Variants in SLC12A1 observed in about 807,000 individuals in gnomAD.
The protein encoded by SLC12A1 is solute carrier family 12 member 1.
SLC12A1 carries 89 observed loss-of-function variants against 130.4 expected under a neutral mutation model. That is an observed-to-expected ratio of 0.68 (90% CI 0.58 to 0.81). The LOEUF is 0.81. Among genes scored for constraint, SLC12A1 ranks in the 40% least tolerant of loss-of-function variants. The probability of loss-of-function intolerance (pLI) is 0.00; values close to 1 mark genes in which losing one functional copy is unlikely to be tolerated. For missense variants in SLC12A1, 1,310 were observed against 1,336.4 expected, an observed-to-expected ratio of 0.98 and a Z score of 0.31; for synonymous variants, 499 against 460.0, an observed-to-expected ratio of 1.08 and a Z score of -1.09.
chr15:48,234,234 C>A (rs1364974585), intron 8 of SLC12A1, among the ~76,000 whole-genome samples: 1 of 151,954 alleles, frequency 6.6e-6, no homozygotes, highest in Non-Finnish European at 1.5e-5. Flanking sequence ...TGTGGGTATG[C>A]CAGTGTGATC....
chr15:48,260,655 C>T (rs1013638476), intron 17 of SLC12A1, among the ~76,000 whole-genome samples: 11 of 152,132 alleles, frequency 7.2e-5, no homozygotes, highest in Non-Finnish European at 2.9e-5. Context: ...CTAAGTGTCA[C>T]GCCTTGAGGA....
chr15:48,299,228 A>T lies in SLC12A1; in HGVS notation c.3049A>T (p.Thr1017Ser). 1 of 1,608,712 alleles carries T rather than the reference A, an allele frequency of 6.2e-7. No individual in the cohort carries two copies. The highest frequency in any genetic ancestry group is 8.5e-7 in the Non-Finnish European group (1 of 1,178,416). The change falls in exon 25 of 27, where the codon ACT becomes TCT. Residue 1017 changes from threonine (T) to serine (S), a missense_variant. Transcript: ENST00000380993. Reference protein sequence around the residue: ...LTTAEKLKRETPWKITDAELE... With the variant: ...LTTAEKLKRESPWKITDAELE... ...AACTGCTGAGAAATTAAAAAGAGAAACTCCGTGGAAAATTACAGATGCAGA... is the reference window on the plus strand; with the variant it reads ...AACTGCTGAGAAATTAAAAAGAGAATCTCCGTGGAAAATTACAGATGCAGA...
At chr15:48,249,522 A>C (rs2041623471) in intron 13 of SLC12A1, 53 bp from the exon 14 acceptor site, 7 of 1,310,478 alleles carry the variant, frequency 5.3e-6, no homozygotes, top group Non-Finnish European at 7.8e-6. Context: ...ACAGCTGTTC[A>C]GCCCCTGGTC....
intron 17 of SLC12A1, among the ~76,000 whole-genome samples, chr15:48,264,258 C>G (rs2041807100): frequency 6.6e-6 from 1 of 152,138 alleles, no homozygotes; most frequent in South Asian, 2.1e-4. Flanking sequence ...GACTTTTACC[C>G]TGTTTCTTTT....
chr15:48,237,878 G>A (rs1394497866), intron 9 of SLC12A1, among the ~76,000 whole-genome samples: 1 of 152,140 alleles, frequency 6.6e-6, no homozygotes, highest in Non-Finnish European at 1.5e-5. Context: ...GGAAAATGGT[G>A]TAATAGGTAG....
rs533836105 is a variant in SLC12A1 at position 48,265,617 on chromosome 15, C to G, written c.2155-1944C>G. Reference sequence around the variant, plus strand: ...ACTAGGTCATCTAGTTTAGTAACTACCCTGCCAATCTCTCTATCTTTTCTA... The same window carrying G: ...ACTAGGTCATCTAGTTTAGTAACTAGCCTGCCAATCTCTCTATCTTTTCTA... On this transcript the variant is annotated intron_variant, in intron 17 of 26. Transcript: ENST00000380993. 3.9e-5 allele frequency among the ~76,000 whole-genome samples: 6 copies of G among 152,226 alleles called. No homozygotes were observed. In the East Asian group the frequency reaches 1.2e-3, roughly 29 times the overall value.
At chr15:48,235,043 G>A (rs2041424694) in intron 9 of SLC12A1, 39 bp downstream of exon 9, 1 of 1,607,698 alleles carries the variant, frequency 6.2e-7, no homozygotes, top group African/African-American at 1.3e-5. Flanking sequence ...TGGGAGTGGT[G>A]GTACACTTGG....
At position 48,229,023 on chromosome 15, in the gene SLC12A1, A is replaced by G. The variant is rs1219142714; in HGVS notation, c.725-166A>G. 4 of 639,488 alleles carry G rather than the reference A, an allele frequency of 6.3e-6. No individual in the cohort carries two copies. The African/African-American group carries it at 7.3e-5, about 12-fold the overall frequency. The allele number at this position is 639,488 out of a possible 1,614,324, so 39.6% of individuals were successfully genotyped here. ...GTAGATTAAGTACAGAGTACCAAGAAGGGCTAAGTTATTCACTGGGTAACA... is the reference window on the plus strand; with the variant it reads ...GTAGATTAAGTACAGAGTACCAAGAGGGGCTAAGTTATTCACTGGGTAACA... On this transcript the variant is annotated intron_variant, in intron 5 of 26. Coordinates refer to ENST00000380993, the MANE Select transcript of SLC12A1 (RefSeq NM_000338.3).
intron 2 of SLC12A1, among the ~76,000 whole-genome samples, chr15:48,214,044 G>C (rs1362216173): frequency 6.6e-6 from 1 of 152,078 alleles, no homozygotes; most frequent in Non-Finnish European, 1.5e-5. Context: ...TCAAATTGGG[G>C]ATATCTGAAA....
Position 48,260,328 on chromosome 15 carries a change from CCTCTCT to C in SLC12A1, c.2154+1030_2154+1035del, listed in dbSNP as rs148763702. On this transcript the variant is annotated intron_variant, in intron 17 of 26. Transcript: ENST00000380993. ...CACTAGCCCACCTCTACTTGTATTC[CCTCTCT>C]CTCTCTCTCTCTATCACACACACAC... Among the ~76,000 whole-genome samples, 678 of 114,202 alleles carry C rather than the reference CCTCTCT, an allele frequency of 5.9e-3. 8 individuals carry two copies. Among genetic ancestry groups the C allele is most frequent in the Middle Eastern group, 0.055 (13 of 238 alleles). 74.9% of individuals were successfully genotyped at this position (114,202 alleles called of 152,430 possible). A position where few individuals can be genotyped will look rare whatever the true frequency, so the allele number is the denominator to read the frequency against.
intron 2 of SLC12A1, among the ~76,000 whole-genome samples, chr15:48,213,559 C>T (rs1567302408): frequency 1.3e-5 from 2 of 149,702 alleles, no homozygotes; most frequent in South Asian, 2.1e-4. Context: ...GCTAGAGTGC[C>T]GCGGCGCAAT....
intron 2 of SLC12A1, among the ~76,000 whole-genome samples, chr15:48,215,662 T>C (rs2041112727): frequency 6.6e-6 from 1 of 152,210 alleles, no homozygotes; most frequent in South Asian, 2.1e-4. Context: ...CCCAAAGTCA[T>C]GTTCAGTACT....
intron 2 of SLC12A1, among the ~76,000 whole-genome samples, chr15:48,217,354 C>A (rs1808865007): frequency 2.0e-5 from 3 of 152,066 alleles, no homozygotes; most frequent in Admixed American, 1.3e-4. Flanking sequence ...ACTTGGTTTG[C>A]ATTTATAGCT....
chr15:48,273,435 A>C (rs1339141701), intron 19 of SLC12A1, among the ~76,000 whole-genome samples: 2 of 152,176 alleles, frequency 1.3e-5, no homozygotes, highest in Non-Finnish European at 2.9e-5. Flanking sequence ...TCCTTAACCT[A>C]ATCACATCTG....
chr15:48,260,154 A>G (rs1223566472), intron 17 of SLC12A1, among the ~76,000 whole-genome samples: 1 of 151,794 alleles, frequency 6.6e-6, no homozygotes, highest in East Asian at 1.9e-4. Flanking sequence ...AATCCCAGCT[A>G]CTCAGGAGGC....
intron 24 of SLC12A1, among the ~76,000 whole-genome samples, 166 bp from the exon 25 acceptor site, chr15:48,298,974 G>C (rs1005331517): frequency 6.6e-6 from 1 of 152,184 alleles, no homozygotes. Context: ...GAGTACTGTA[G>C]CCATGGTTTT....
intron 25 of SLC12A1, among the ~76,000 whole-genome samples, chr15:48,300,525 A>G (rs995345602): frequency 6.6e-6 from 1 of 152,178 alleles, no homozygotes; most frequent in South Asian, 2.1e-4. Flanking sequence ...CATGCCCTAC[A>G]TAAACCACAT....
chr15:48,293,048 T>A (rs2042137769), intron 24 of SLC12A1, among the ~76,000 whole-genome samples: 3 of 152,134 alleles, frequency 2.0e-5, no homozygotes. Context: ...CCTAGATAGC[T>A]GGGACCACAA....
rs550840138 is a variant in SLC12A1, at chr15:48,208,275, AC to A, written c.420+137del. On this transcript the variant is annotated intron_variant, in intron 2 of 26. Coordinates refer to ENST00000380993, the MANE Select transcript of SLC12A1 (RefSeq NM_000338.3). The stretch of plus-strand genomic sequence containing the variant: ...ATTCCAAACACTATCCATCTTACTT[AC>A]AAAACTGTCCCTAGTTCCCAGAAAA... The A allele has an allele frequency of 6.3e-5, 55 of 871,540 alleles. 1 individual carries two copies. Among genetic ancestry groups the A allele is most frequent in the Admixed American group, 5.2e-4 (16 of 30,926 alleles). 54.0% of individuals were successfully genotyped at this position (871,540 alleles called of 1,614,324 possible). A position where few individuals can be genotyped will look rare whatever the true frequency, so the allele number is the denominator to read the frequency against.
Sources: gnomAD v4.1 joint callset for allele counts (sites outside exome capture counted in the v4.1 genomes callset) on GRCh38, gnomAD v4.1.1 for gene constraint, MANE v1.5 for transcripts, NCBI Gene and HGNC (gene_info 2026-07-23, HGNC 2026-07-21) for gene names.